Variants in CCDC7 observed in about 807,000 individuals in gnomAD.
The protein encoded by CCDC7 is coiled-coil domain containing 7, also known as coiled-coil domain-containing protein 7.
Under a neutral mutation model 196.9 loss-of-function variants are expected in CCDC7, and 183 were observed. The observed-to-expected ratio is 0.93, with a 90% confidence interval of 0.82 to 1.05. The LOEUF is 1.05. CCDC7 is among the 50% of genes least tolerant of loss of function. The pLI is 0.00. For synonymous variants in CCDC7, 525 were observed against 484.6 expected (o/e 1.08, Z -1.10); for missense variants, 1,540 against 1,482.2 (o/e 1.04, Z -0.64).
chr10:32,837,855 C>T (rs1320875611), intron 33 of CCDC7, among the ~76,000 whole-genome samples: 3 of 145,154 alleles, frequency 2.1e-5, no homozygotes, highest in African/African-American at 7.7e-5. Context: ...TGTTCTCACT[C>T]ATAGGTGGGA....
chr10:32,720,365 T>G (rs1240797631), intron 25 of CCDC7, among the ~76,000 whole-genome samples: 1 of 151,428 alleles, frequency 6.6e-6, no homozygotes, highest in African/African-American at 2.4e-5. Flanking sequence ...AAGTGGGAGT[T>G]GAACAATGAG....
At chr10:32,694,582 C>A (rs1156734885) in intron 23 of CCDC7, among the ~76,000 whole-genome samples, 1 of 152,036 alleles carries the variant, frequency 6.6e-6, no homozygotes, top group African/African-American at 2.4e-5. Context: ...TAACATTGTA[C>A]CTATGCATTT....
intron 9 of CCDC7, among the ~76,000 whole-genome samples, chr10:32,508,510 A>G (rs1233483025): frequency 6.6e-6 from 1 of 152,220 alleles, no homozygotes; most frequent in Non-Finnish European, 1.5e-5. Context: ...TGAAAATACC[A>G]ATGACATTTT....
At chr10:32,693,398 A>T (rs1480677154) in intron 23 of CCDC7, among the ~76,000 whole-genome samples, 1 of 150,846 alleles carries the variant, frequency 6.6e-6, no homozygotes, top group African/African-American at 2.4e-5. Context: ...TTCCTTCTCT[A>T]TTTTTTTTCT....
chr10:32,799,629 A>C (rs936024515), intron 29 of CCDC7, among the ~76,000 whole-genome samples: 1 of 152,238 alleles, frequency 6.6e-6, no homozygotes, highest in Non-Finnish European at 1.5e-5. Context: ...ATTCTAAGGA[A>C]TATCTTGACA....
At chr10:32,775,804 T>C (rs2079925519) in intron 28 of CCDC7, among the ~76,000 whole-genome samples, 1 of 152,216 alleles carries the variant, frequency 6.6e-6, no homozygotes, top group Non-Finnish European at 1.5e-5. Context: ...TTGAAAATTA[T>C]CATGCTGCTA....
intron 29 of CCDC7, among the ~76,000 whole-genome samples, chr10:32,798,353 G>A (rs558164994): frequency 3.3e-5 from 5 of 152,314 alleles, no homozygotes; most frequent in South Asian, 2.1e-4. Context: ...CCACATTGCT[G>A]AGCCCATGCG....
intron 21 of CCDC7, among the ~76,000 whole-genome samples, chr10:32,666,873 T>A (rs1421798715): frequency 6.6e-6 from 1 of 152,148 alleles, no homozygotes; most frequent in African/African-American, 2.4e-5. Flanking sequence ...TGATTTATAA[T>A]CCTTTGGGTA....
At chr10:32,637,478 A>G (rs2065866463) in intron 20 of CCDC7, among the ~76,000 whole-genome samples, 1 of 152,206 alleles carries the variant, frequency 6.6e-6, no homozygotes, top group Non-Finnish European at 1.5e-5. Flanking sequence ...ACCATTTATT[A>G]ACTAGGGAAT....
At chr10:32,655,697 C>T (rs1461827186) in intron 20 of CCDC7, among the ~76,000 whole-genome samples, 1 of 151,966 alleles carries the variant, frequency 6.6e-6, no homozygotes, top group African/African-American at 2.4e-5. Flanking sequence ...GTGCGTGCCA[C>T]CATGTCCAGC....
chr10:32,483,424 AT>A (rs2040368072), intron 8 of CCDC7, among the ~76,000 whole-genome samples: 2 of 151,942 alleles, frequency 1.3e-5, no homozygotes, highest in Admixed American at 1.3e-4. Flanking sequence ...GATTGCAGAA[AT>A]TTTCTCCCAT....
intron 18 of CCDC7, among the ~76,000 whole-genome samples, chr10:32,605,884 G>A (rs1211933469): frequency 1.3e-5 from 2 of 152,194 alleles, no homozygotes; most frequent in African/African-American, 2.4e-5. Flanking sequence ...AAGAATCCAG[G>A]CAGAGTAACC....
chr10:32,445,076 ACTCC>A (rs955743919), upstream of CCDC7, among the ~76,000 whole-genome samples: 5 of 151,794 alleles, frequency 3.3e-5, no homozygotes, highest in African/African-American at 1.2e-4. Flanking sequence ...CTAGTCTCGA[ACTCC>A]TGACCTCGAG....
intron 7 of CCDC7, among the ~76,000 whole-genome samples, chr10:32,473,146 A>G (rs571769762): frequency 6.6e-6 from 1 of 152,346 alleles, no homozygotes; most frequent in African/African-American, 2.4e-5. Flanking sequence ...ATACAAGTAC[A>G]TTATCTAGCA....
chr10:32,860,663 C>A, intron 41 of CCDC7, among the ~76,000 whole-genome samples: 1 of 152,268 alleles, frequency 6.6e-6, no homozygotes, highest in African/African-American at 2.4e-5. Flanking sequence ...ATTTAGAAAA[C>A]CCCATCATCT....
At chr10:32,522,379 T>A (rs1239739031) in intron 11 of CCDC7, among the ~76,000 whole-genome samples, 1 of 152,156 alleles carries the variant, frequency 6.6e-6, no homozygotes, top group Non-Finnish European at 1.5e-5. Flanking sequence ...GGTTTTGGAT[T>A]TTTTCATGTT....
At chr10:32,811,917 A>C (rs1273471018) in intron 30 of CCDC7, among the ~76,000 whole-genome samples, 1 of 152,158 alleles carries the variant, frequency 6.6e-6, no homozygotes, top group Non-Finnish European at 1.5e-5. Context: ...GGTTTAACAT[A>C]TACAAATCAA....
intron 11 of CCDC7, among the ~76,000 whole-genome samples, chr10:32,531,044 T>C (rs1270047751): frequency 6.6e-6 from 1 of 152,276 alleles, no homozygotes; most frequent in Admixed American, 6.5e-5. Flanking sequence ...TCTGTTAATA[T>C]GATATATCAT....
At chr10:32,847,038 C>CT (rs969647607) in intron 37 of CCDC7, among the ~76,000 whole-genome samples, 19 of 152,114 alleles carry the variant, frequency 1.2e-4, no homozygotes, top group Admixed American at 5.9e-4. Flanking sequence ...AGGCAGACAG[C>CT]TTAACAGAGA....
Sources: allele counts gnomAD v4.1 joint callset (sites outside exome capture counted in the v4.1 genomes callset), GRCh38; gene constraint gnomAD v4.1.1; transcripts MANE v1.5; gene names NCBI Gene and HGNC (gene_info 2026-07-23, HGNC 2026-07-21).